Variants in SFMBT2 observed in about 807,000 individuals in gnomAD.
The protein encoded by SFMBT2 is Scm like with four mbt domains 2, also known as scm-like with four MBT domains protein 2.
In SFMBT2, 38 loss-of-function variants were observed where a neutral mutation model predicts 110.1. That is an observed-to-expected ratio of 0.35 (90% CI 0.27 to 0.45). The LOEUF (loss-of-function observed/expected upper bound fraction) is 0.45. Ranked by LOEUF, SFMBT2 falls within the 20% of genes least tolerant of loss-of-function variation. The pLI, the probability that SFMBT2 is intolerant of heterozygous loss-of-function variation, is 1.00. For missense variants in SFMBT2, 1,011 were observed against 1,094.9 expected, an observed-to-expected ratio of 0.92 and a Z score of 1.08; for synonymous variants, 425 against 425.4, an observed-to-expected ratio of 1.00 and a Z score of 0.01.
intron 1 of SFMBT2, among the ~76,000 whole-genome samples, chr10:7,387,559 G>GC (rs2132095702): frequency 6.6e-6 from 1 of 152,132 alleles, no homozygotes; most frequent in South Asian, 2.1e-4. Context: ...GCTTGGGTGG[G>GC]CCGGGGGGTG....
intron 7 of SFMBT2, 83 bp from the exon 8 acceptor site, chr10:7,248,732 T>C: frequency 8.1e-7 from 1 of 1,231,150 alleles, no homozygotes; most frequent in Non-Finnish European, 1.2e-6. Flanking sequence ...CCTGGAGCAT[T>C]TTATTGGGCA....
intron 2 of SFMBT2, among the ~76,000 whole-genome samples, chr10:7,372,146 G>A (rs149485115): frequency 0.011 from 1,705 of 151,974 alleles, 18 homozygotes; most frequent in Non-Finnish European, 0.015. Flanking sequence ...TCGAATTCCC[G>A]ACCTCAGGTG....
chr10:7,347,542 G>A (rs888614171), intron 4 of SFMBT2, among the ~76,000 whole-genome samples: 6 of 151,996 alleles, frequency 3.9e-5, no homozygotes, highest in Non-Finnish European at 8.8e-5. Context: ...AAGGAGAAAA[G>A]AAACCCGCAA....
chr10:7,380,476 A>G (rs1167900750), intron 2 of SFMBT2, among the ~76,000 whole-genome samples: 1 of 152,194 alleles, frequency 6.6e-6, no homozygotes, highest in African/African-American at 2.4e-5. Context: ...GTAATCTGTC[A>G]TTGACTAGTC....
rs117932703 is a variant in SFMBT2, at chr10:7,261,567, G to A, written c.871-12918C>T. 4.0e-3 allele frequency among the ~76,000 whole-genome samples: 611 copies of A among 152,270 alleles called. 1 individual carries two copies. Among genetic ancestry groups the A allele is most frequent in the Non-Finnish European group, 6.9e-3 (467 of 68,022 alleles). ...GTTACGTATGCAGGCATGTCTGGAT[G>A]GATTTACTTTTAGGAGAATCCAGAT... On this transcript the variant is annotated intron_variant, in intron 7 of 20. Transcript: ENST00000397167.
At chr10:7,302,773 C>T (rs893304135) in intron 4 of SFMBT2, among the ~76,000 whole-genome samples, 7 of 152,106 alleles carry the variant, frequency 4.6e-5, no homozygotes, top group Admixed American at 2.0e-4. Context: ...GGAGTCCCCG[C>T]GCCTAAAATA....
chr10:7,213,344 A>C (rs755087418), intron 11 of SFMBT2, among the ~76,000 whole-genome samples: 2 of 152,210 alleles, frequency 1.3e-5, no homozygotes, highest in Non-Finnish European at 2.9e-5. Flanking sequence ...CCCCATGAAG[A>C]GGGCAGAGAC....
intron 7 of SFMBT2, among the ~76,000 whole-genome samples, chr10:7,274,431 G>GA (rs1841701880): frequency 6.6e-6 from 1 of 152,158 alleles, no homozygotes; most frequent in Admixed American, 6.5e-5. Context: ...GGACGTAATT[G>GA]AATCATGCAG....
rs1044518706 is a variant in SFMBT2, at chr10:7,171,126, C to T, written c.2416-70G>A. The stretch of plus-strand genomic sequence containing the variant: ...TGGCTGGGTCCTCTCCAGCACTCTC[C>T]AGGCCTCGGCCGTTCCTGGCCGGAA... On this transcript the variant is annotated intron_variant, in intron 19 of 20. Transcript: ENST00000397167. The surrounding 1 kb of genome is among the most constrained non-coding windows in gnomAD (Gnocchi z 4.9). The T allele has an allele frequency of 1.9e-6, 3 of 1,604,600 alleles. No individual in the cohort carries two copies. Among genetic ancestry groups the T allele is most frequent in the Non-Finnish European group, 2.6e-6 (3 of 1,175,160 alleles).
chr10:7,237,889 A>C (rs11255054), intron 9 of SFMBT2, among the ~76,000 whole-genome samples: 36,905 of 152,186 alleles, frequency 0.24, 4,837 homozygotes, highest in South Asian at 0.38. Flanking sequence ...AGACGACTTC[A>C]AGCAGTTAGC....
At position 7,384,211 on chromosome 10, in the gene SFMBT2, CAAAAAAAAAAA is replaced by C. The variant is rs59239303; in HGVS notation, c.-51-2273_-51-2263del. ...AGGCAACAAGAGCAAAACTCCATCTCAAAAAAAAAAAAAAAAAAAAAAAAAAACAACCACAG... is the reference window on the plus strand; with the variant it reads ...AGGCAACAAGAGCAAAACTCCATCTCAAAAAAAAAAAAAAAACAACCACAG... On this transcript the variant is annotated intron_variant, in intron 1 of 20. Transcript: ENST00000397167. Among the ~76,000 whole-genome samples the C allele has an allele frequency of 4.6e-3, 129 of 27,984 alleles. 3 individuals are homozygous for C. The highest frequency in any genetic ancestry group is 0.02 in the African/African-American group (111 of 5,480). The allele number at this position is 27,984 out of a possible 152,430, so 18.4% of individuals were successfully genotyped here.
At chr10:7,366,348 A>G (rs1844898667) in intron 4 of SFMBT2, among the ~76,000 whole-genome samples, 1 of 151,980 alleles carries the variant, frequency 6.6e-6, no homozygotes, top group Non-Finnish European at 1.5e-5. Flanking sequence ...CCCCCTTCTT[A>G]GCAGGCTATC....
chr10:7,206,909 T>C, intron 11 of SFMBT2: 1 of 985,428 alleles, frequency 1.0e-6, no homozygotes. Context: ...CCTGCTTGGT[T>C]TCCTCATTGA....
At chr10:7,224,903 A>G (rs774423323) in intron 10 of SFMBT2, among the ~76,000 whole-genome samples, 2 of 152,254 alleles carry the variant, frequency 1.3e-5, no homozygotes, top group Non-Finnish European at 2.9e-5. Flanking sequence ...TCACATTTAC[A>G]TGTCTTTTTC....
chr10:7,202,868 AT>A (rs1052144005), intron 12 of SFMBT2: 2 of 985,204 alleles, frequency 2.0e-6, no homozygotes, highest in African/African-American at 3.5e-5. Flanking sequence ...ATCCGGAATG[AT>A]TTTTTTCCAA....
chr10:7,380,556 G>A (rs181856761), intron 2 of SFMBT2, among the ~76,000 whole-genome samples: 64 of 152,162 alleles, frequency 4.2e-4, no homozygotes, highest in Middle Eastern at 6.8e-3. Context: ...AACTTAATGC[G>A]CAACATTTTT....
intron 7 of SFMBT2, among the ~76,000 whole-genome samples, chr10:7,267,754 T>A (rs1341845021): frequency 6.6e-6 from 1 of 152,138 alleles, no homozygotes; most frequent in Non-Finnish European, 1.5e-5. Flanking sequence ...ATTTTCAATA[T>A]TTTTTTAAAG....
In SFMBT2 at chr10:7,398,872, G is replaced by T. The variant is rs779928611; in HGVS notation, c.-52+11989C>A. 3.3e-5 allele frequency among the ~76,000 whole-genome samples: 5 copies of T among 152,184 alleles called. No individual in the cohort carries two copies. In the East Asian group the frequency reaches 7.7e-4, roughly 23 times the overall value. ...AAGTAGATCATGTGTTGTCCATACCGCCATGAGACTCAAAAAGTAAAGAAA... is the reference window on the plus strand; with the variant it reads ...AAGTAGATCATGTGTTGTCCATACCTCCATGAGACTCAAAAAGTAAAGAAA... On this transcript the variant is annotated intron_variant, in intron 1 of 20. Transcript: ENST00000397167.
intron 13 of SFMBT2, chr10:7,200,763 C>T (rs559534019): frequency 6.4e-6 from 1 of 155,658 alleles, no homozygotes; most frequent in Non-Finnish European, 1.4e-5. Context: ...TCGCTTCTGG[C>T]CTTATCTCTT....
Sources: gnomAD v4.1 joint callset for allele counts (sites outside exome capture counted in the v4.1 genomes callset) on GRCh38, gnomAD v4.1.1 for gene constraint, Gnocchi (gnomAD v3.1) non-coding constraint, MANE v1.5 for transcripts, NCBI Gene and HGNC (gene_info 2026-07-23, HGNC 2026-07-21) for gene names.